The following COL6A2 variants were observed in gnomAD, a reference collection of about 807,000 sequenced individuals.
COL6A2 encodes collagen type VI alpha 2 chain, also known as collagen alpha-2(VI) chain.
In COL6A2, 90 loss-of-function variants were observed where a neutral mutation model predicts 124.9. The ratio of observed to expected loss-of-function variants is 0.72; its 90% CI spans 0.61 to 0.86. COL6A2 has a LOEUF of 0.86. Ranked by LOEUF, COL6A2 falls within the 40% of genes least tolerant of loss-of-function variation. The pLI, the probability that COL6A2 is intolerant of heterozygous loss-of-function variation, is 0.00. For missense variants in COL6A2, 1,607 were observed against 1,502.5 expected (o/e 1.07, Z -1.15); for synonymous variants, 793 against 618.2 (o/e 1.28, Z -4.19).
Position 46,119,828 on chromosome 21 carries a change from GC to G in COL6A2, c.1311del (p.Ser437ArgfsTer108). On this transcript the variant is annotated frameshift_variant, in exon 15 of 28. Coordinates refer to ENST00000300527, the MANE Select transcript of COL6A2 (RefSeq NM_001849.4). LOFTEE classifies it high-confidence loss of function. ...CCCGGCACCAAGGGCAGCCCAGGCA[GC>G]GATGGCCCCAAGGGGGAGAAGGTGA... ...GDPGTKGSPG[S>X]DGPKGEKGDP... 1 of 1,562,670 alleles carries G rather than the reference GC, an allele frequency of 6.4e-7. No individual in the cohort carries two copies. The highest frequency in any genetic ancestry group is 8.7e-7 in the Non-Finnish European group (1 of 1,153,028).
rs200301396 is a variant in COL6A2, at chr21:46,121,088, G to A, written c.1423G>A (p.Gly475Ser). 3.7e-6 allele frequency: 6 copies of A among 1,612,684 alleles called. No individual in the cohort carries two copies. The highest frequency in any genetic ancestry group is 1.3e-5 in the African/African-American group (1 of 74,914). Residue 475 changes from glycine (G) to serine (S), a missense_variant, in exon 17 of 28, where the codon GGC (glycine) becomes AGC (serine). Gly to Ser is a moderately conservative substitution (Grantham distance 56, BLOSUM62 0). Coordinates refer to ENST00000300527, the MANE Select transcript of COL6A2 (RefSeq NM_001849.4). ...KGDRGLPGPR[G>S]PQGALGEPGK... The stretch of plus-strand genomic sequence containing the variant: ...AGACCGAGGCTTGCCTGGACCCAGA[G>A]GCCCCCAGGGAGCTCTTGGGGAGCC...
intron 1 of COL6A2, among the ~76,000 whole-genome samples, chr21:46,099,395 C>T (rs9981350): frequency 0.64 from 93,501 of 146,158 alleles, 29,748 homozygotes; most frequent in East Asian, 0.81. Flanking sequence ...GAGGCGGAGG[C>T]TGCAGTGAGC....
intron 24 of COL6A2, 65 bp from the exon 25 acceptor site, chr21:46,125,400 T>C (rs766695034): frequency 2.6e-5 from 41 of 1,606,934 alleles, no homozygotes; most frequent in Non-Finnish European, 3.2e-5. Flanking sequence ...GGGTCCTGCA[T>C]GTGCACGTGA....
Position 46,113,995 on chromosome 21 carries a change from T to G in COL6A2, c.736-13T>G. On this transcript the variant is annotated splice_polypyrimidine_tract_variant and intron_variant, in intron 4 of 27. Transcript: ENST00000300527. ...CACCCATGCAACCTTCTGTCTCTGC[T>G]TCCTCGTTTCAGTGCTACAAGGTGA... is the stretch of plus-strand genomic sequence containing the variant. 1 of 1,613,258 alleles carries G rather than the reference T, an allele frequency of 6.2e-7. No individual in the cohort carries two copies. The highest frequency in any genetic ancestry group is 8.5e-7 in the Non-Finnish European group (1 of 1,179,380).
chr21:46,120,548 G>A lies in COL6A2; in HGVS notation c.1366G>A (p.Ala456Thr), dbSNP rs1489203896. The A allele has an allele frequency of 6.8e-7, 1 of 1,473,994 alleles. No individual in the cohort carries two copies. Among genetic ancestry groups the A allele is most frequent in the African/African-American group, 1.4e-5 (1 of 69,762 alleles). 91.3% of individuals were successfully genotyped at this position (1,473,994 alleles called of 1,614,324 possible). A position where few individuals can be genotyped will look rare whatever the true frequency, so the allele number is the denominator to read the frequency against. The change falls in exon 16 of 28, where the codon GCT (alanine) becomes ACT (threonine). Residue 456 changes from alanine to threonine, a missense_variant. Transcript: ENST00000300527. ...TGGCCCTGAGGGGCCCCGCGGCCTG[G>A]CTGGAGAGGTTGGCAACAAAGGAGC... is the stretch of plus-strand genomic sequence containing the variant. Reference protein sequence around the residue: ...DPGPEGPRGLAGEVGNKGAKG... With the variant: ...DPGPEGPRGLTGEVGNKGAKG...
Position 46,112,082 on chromosome 21 carries a change from C to G in COL6A2, c.219C>G (p.Phe73Leu), listed in dbSNP as rs374336669. The G allele has an allele frequency of 1.2e-6, 2 of 1,613,180 alleles. No homozygotes were observed. Among genetic ancestry groups the G allele is most frequent in the East Asian group, 2.2e-5 (1 of 44,870 alleles). The change falls in exon 3 of 28, where the codon TTC becomes TTG. Residue 73 changes from phenylalanine to leucine, a missense_variant. Coordinates refer to ENST00000300527, the MANE Select transcript of COL6A2 (RefSeq NM_001849.4). ...TCCTGCTCTTCCACATGAAGCAGTT[C>G]GTGCCGCAGTTCATCAGCCAGCTGC... ...TDILLFHMKQFVPQFISQLQN... is the reference protein window; with the variant it reads ...TDILLFHMKQLVPQFISQLQN...
intron 1 of COL6A2, among the ~76,000 whole-genome samples, chr21:46,099,344 T>G (rs1447898205): frequency 6.7e-6 from 1 of 149,244 alleles, no homozygotes; most frequent in Non-Finnish European, 1.5e-5. Context: ...TAATCCCAGC[T>G]AATCGGGAGG....
intron 1 of COL6A2, among the ~76,000 whole-genome samples, chr21:46,099,329 A>C (rs1340288113): frequency 6.6e-6 from 1 of 151,966 alleles, no homozygotes; most frequent in Non-Finnish European, 1.5e-5. Flanking sequence ...GGTGGCAGGC[A>C]CCTGTAATCC....
intron 1 of COL6A2, among the ~76,000 whole-genome samples, chr21:46,103,250 T>C (rs1423761357): frequency 6.6e-6 from 1 of 152,206 alleles, no homozygotes; most frequent in Non-Finnish European, 1.5e-5. Context: ...TTTATTTCTG[T>C]AGAATTAGTA....
Position 46,125,284 on chromosome 21 carries a change from T to G in COL6A2, c.1789T>G (p.Tyr597Asp), listed in dbSNP as rs1354056555. 6.8e-6 allele frequency: 11 copies of G among 1,611,856 alleles called. No homozygotes were observed. Among genetic ancestry groups the G allele is most frequent in the Non-Finnish European group, 9.3e-6 (11 of 1,179,484 alleles). Residue 597 changes from tyrosine to aspartate, a missense_variant, in exon 24 of 28, where the codon TAC becomes GAC. By Grantham distance (160) the Tyr-to-Asp change is radical. Around this residue, in one of 3 missense-constraint regions of COL6A2, gnomAD observed 1,223 missense variants for 1,052.2 expected, o/e 1.16. Coordinates refer to ENST00000300527, the MANE Select transcript of COL6A2 (RefSeq NM_001849.4). The stretch of plus-strand genomic sequence containing the variant: ...ATTGCAGGAGTGTGACGTCATGACC[T>G]ACGTGAGGGAGACCTGCGGGTGCTG... ...PGLTECDVMT[Y>D]VRETCGCCDC...
At position 46,115,895 on chromosome 21, in the gene COL6A2, G is replaced by A. The variant is rs1238745727; in HGVS notation, c.825G>A (p.Glu275=). The change falls in exon 6 of 28, where the codon GAG becomes GAA. Residue 275 remains glutamate, a synonymous_variant. Transcript: ENST00000300527. ...GQKGAKGNMG[E]PGEPGQKGRQ... is the part of the protein sequence containing the mutation. ...AGGGTGCCAAGGGCAACATGGGTGA[G>A]CCGGGAGAGCCTGGCCAGAAGGGAA... 1.2e-6 allele frequency: 2 copies of A among 1,612,910 alleles called. No individual in the cohort carries two copies. The highest frequency in any genetic ancestry group is 2.7e-5 in the African/African-American group (2 of 75,038).
chr21:46,122,464 C>G (rs17272651), intron 19 of COL6A2, 32 bp from the exon 20 acceptor site: 1 of 1,612,752 alleles, frequency 6.2e-7, no homozygotes, highest in African/African-American at 1.3e-5. Context: ...GGATCTGAGG[C>G]TGAGTCACCC....
chr21:46,120,906 G>A (rs2078555632), intron 16 of COL6A2, among the ~76,000 whole-genome samples, 155 bp from the exon 17 acceptor site: 1 of 152,156 alleles, frequency 6.6e-6, no homozygotes, highest in African/African-American at 2.4e-5. Context: ...AGGGCTGAAG[G>A]TCAAGTGGAG....
intron 12 of COL6A2, among the ~76,000 whole-genome samples, chr21:46,118,276 C>T (rs1017253658): frequency 1.3e-5 from 2 of 152,106 alleles, no homozygotes; most frequent in African/African-American, 4.8e-5. Flanking sequence ...CCTGCAGTGT[C>T]GCCCCGCCCC....
chr21:46,121,025 G>C, intron 16 of COL6A2, 36 bp from the exon 17 acceptor site: 1 of 1,605,792 alleles, frequency 6.2e-7, no homozygotes, highest in South Asian at 1.1e-5. Context: ...GCTGCTGTCA[G>C]TCAAGAGAAC....
chr21:46,105,144 G>A (rs556447681), intron 1 of COL6A2, among the ~76,000 whole-genome samples: 14 of 152,304 alleles, frequency 9.2e-5, no homozygotes, highest in Admixed American at 1.3e-4. Context: ...TTGGGAGGCC[G>A]AGGCAGGAGG....
intron 15 of COL6A2, 34 bp downstream of exon 15, chr21:46,119,884 A>G: frequency 6.5e-7 from 1 of 1,540,532 alleles, no homozygotes; most frequent in Non-Finnish European, 8.8e-7. Flanking sequence ...CCAGGGTCTC[A>G]CTGTGGTGCC....
chr21:46,117,557 G>A (rs927027298), intron 11 of COL6A2, 104 bp downstream of exon 11: 17 of 1,201,826 alleles, frequency 1.4e-5, no homozygotes, highest in South Asian at 6.4e-5. Context: ...GGGTTCTCCC[G>A]GCAGCCCAGC....
At chr21:46,117,219 G>A (rs540009186) in intron 10 of COL6A2, among the ~76,000 whole-genome samples, 181 bp from the exon 11 acceptor site, 1 of 152,342 alleles carries the variant, frequency 6.6e-6, no homozygotes, top group South Asian at 2.1e-4. Flanking sequence ...CCTGCACAAC[G>A]GCCACTCTGC....
Sources: allele counts gnomAD v4.1 joint callset (sites outside exome capture counted in the v4.1 genomes callset), GRCh38; gene constraint gnomAD v4.1.1; regional missense constraint gnomAD v4.1.1; transcripts MANE v1.5; gene names NCBI Gene and HGNC (gene_info 2026-07-23, HGNC 2026-07-21).